TNC: variants seen among roughly 807,000 people sequenced by gnomAD.
The protein encoded by TNC is tenascin.
Under a neutral mutation model 202.4 loss-of-function variants are expected in TNC, and 109 were observed. The observed-to-expected ratio is 0.54, with a 90% confidence interval of 0.46 to 0.63. TNC has a LOEUF of 0.63. Among genes scored for constraint, TNC ranks in the 30% least tolerant of loss-of-function variants. TNC has a pLI of 0.00. For synonymous variants in TNC, 1,007 were observed against 1,089.7 expected (o/e 0.92, Z 1.50); for missense variants, 2,756 against 2,833.3 (o/e 0.97, Z 0.62).
intron 9 of TNC, among the ~76,000 whole-genome samples, chr9:115,075,012 TA>T (rs942551979): frequency 5.3e-5 from 8 of 151,186 alleles, no homozygotes; most frequent in South Asian, 2.1e-4. Context: ...ATCAAAAGAT[TA>T]AAAAAAAAGA....
At chr9:115,077,805 TAA>T in intron 7 of TNC, 136 bp downstream of exon 7, 2 of 905,448 alleles carry the variant, frequency 2.2e-6, no homozygotes, top group Middle Eastern at 3.4e-4. Flanking sequence ...TACAATATTT[TAA>T]AATTTACAGG....
intron 11 of TNC, among the ~76,000 whole-genome samples, chr9:115,064,306 T>A (rs566577557): frequency 6.6e-6 from 1 of 152,310 alleles, no homozygotes; most frequent in South Asian, 2.1e-4. Context: ...CCTCAGTAGA[T>A]GAGAGAATTT....
intron 19 of TNC, among the ~76,000 whole-genome samples, chr9:115,040,476 T>C (rs774209380): frequency 6.6e-6 from 1 of 152,214 alleles, no homozygotes; most frequent in African/African-American, 2.4e-5. Flanking sequence ...AAGGTGATGG[T>C]GGGCTAACAT....
intron 6 of TNC, among the ~76,000 whole-genome samples, chr9:115,079,227 CT>C (rs61492592): frequency 3.5e-3 from 503 of 142,656 alleles, no homozygotes; most frequent in Non-Finnish European, 3.4e-3. Context: ...TCTTCTTCTC[CT>C]TTTTTTTTTT....
chr9:115,078,338 T>C (rs901476684), intron 6 of TNC, 126 bp from the exon 7 acceptor site: 8 of 1,163,670 alleles, frequency 6.9e-6, no homozygotes, highest in East Asian at 2.5e-5. Flanking sequence ...TGACTTTACT[T>C]TGCCTTTCTG....
In TNC at chr9:115,091,145, G is replaced by T. The variant is rs1835200277; in HGVS notation, c.-127C>A. ...TCAGTTGTCCCTGATCTTCTTGAAA[G>T]AATTATTTTCTACAAGCAAAGATGA... On this transcript the variant is annotated 5_prime_UTR_variant, in exon 2 of 28. Coordinates refer to ENST00000350763, the MANE Select transcript of TNC (RefSeq NM_002160.4). 2.7e-6 allele frequency: 2 copies of T among 736,442 alleles called. No homozygotes were observed. The highest frequency in any genetic ancestry group is 1.9e-5 in the South Asian group (1 of 52,834). The allele number at this position is 736,442 out of a possible 1,614,324, so 45.6% of individuals were successfully genotyped here. A position where few individuals can be genotyped will look rare whatever the true frequency, so the allele number is the denominator to read the frequency against.
chr9:115,054,952 C>T (rs1564445938), intron 15 of TNC, among the ~76,000 whole-genome samples: 1 of 152,204 alleles, frequency 6.6e-6, no homozygotes, highest in Admixed American at 6.5e-5. Flanking sequence ...GATAAGACTA[C>T]TGGGTCCTCT....
chr9:115,054,195 GT>G (rs948472118), intron 15 of TNC, among the ~76,000 whole-genome samples: 12 of 152,284 alleles, frequency 7.9e-5, no homozygotes, highest in Non-Finnish European at 1.5e-4. Context: ...CAGCTCCAAA[GT>G]TTGGAGGAAA....
chr9:115,049,294 G>A (rs1831460565), intron 15 of TNC, among the ~76,000 whole-genome samples: 1 of 152,034 alleles, frequency 6.6e-6, no homozygotes, highest in Non-Finnish European at 1.5e-5. Context: ...TCACACATTG[G>A]GATATCCAAA....
rs1829293816 is a variant in TNC at position 115,024,113 on chromosome 9, C to T, written c.6355G>A (p.Gly2119Ser). Residue 2119 changes from glycine to serine, a missense_variant, in exon 27 of 28, where the codon GGC becomes AGC. Coordinates refer to ENST00000350763, the MANE Select transcript of TNC (RefSeq NM_002160.4). ...TTGTCAAAGGTGGAGAAGGATCTGC[C>T]ATTGTGGTAGGCCATGGAGTCACCT... ...TAGDSMAYHN[G>S]RSFSTFDKDT... is the part of the protein sequence containing the mutation. The T allele has an allele frequency of 6.2e-7, 1 of 1,614,012 alleles. No individual in the cohort carries two copies. Among genetic ancestry groups the T allele is most frequent in the Non-Finnish European group, 8.5e-7 (1 of 1,179,918 alleles).
intron 1 of TNC, among the ~76,000 whole-genome samples, chr9:115,105,089 T>C (rs1008211692): frequency 2.6e-5 from 4 of 152,202 alleles, no homozygotes; most frequent in Admixed American, 6.5e-5. Context: ...GATGGAGCCA[T>C]TGACAATTAC....
chr9:115,111,781 G>A (rs796587748), intron 1 of TNC, among the ~76,000 whole-genome samples: 33 of 152,190 alleles, frequency 2.2e-4, no homozygotes, highest in African/African-American at 7.5e-4. Context: ...AAGGAACTGA[G>A]GGTAGCCTTG....
intron 15 of TNC, among the ~76,000 whole-genome samples, chr9:115,051,862 C>T (rs775541184): frequency 1.1e-4 from 16 of 151,992 alleles, no homozygotes; most frequent in South Asian, 8.3e-4. Context: ...CTCTTGAGAA[C>T]GTTCTCTCCA....
intron 1 of TNC, among the ~76,000 whole-genome samples, chr9:115,108,008 G>A (rs562252995): frequency 6.6e-6 from 1 of 152,178 alleles, no homozygotes; most frequent in Non-Finnish European, 1.5e-5. Flanking sequence ...ATATTGGCGA[G>A]TTTCCGTTGG....
intron 1 of TNC, among the ~76,000 whole-genome samples, chr9:115,100,544 C>T (rs151279565): frequency 1.3e-3 from 191 of 152,254 alleles, no homozygotes; most frequent in Non-Finnish European, 2.0e-3. Flanking sequence ...TAATTAACTC[C>T]TAAAGCTGAT....
intron 20 of TNC, 142 bp downstream of exon 20, chr9:115,038,118 AC>A (rs1206534988): frequency 1.9e-6 from 2 of 1,079,422 alleles, no homozygotes; most frequent in Non-Finnish European, 2.6e-6. Flanking sequence ...GTTGGGAGCC[AC>A]ATGAACATTA....
chr9:115,090,693 C>T lies in TNC; in HGVS notation c.326G>A (p.Arg109Gln), dbSNP rs772948384. 1.5e-5 allele frequency: 25 copies of T among 1,614,018 alleles called. No individual in the cohort carries two copies. Among genetic ancestry groups the T allele is most frequent in the Middle Eastern group, 3.3e-4 (2 of 6,084 alleles). The change falls in exon 2 of 28, where the codon CGG becomes CAG. Residue 109 changes from arginine (R) to glutamine (Q), a missense_variant. Arg to Gln is a conservative substitution (Grantham distance 43). Transcript: ENST00000350763. Reference protein sequence around the residue: ...VFTHRINIPRRACGCAAAPDV... With the variant: ...VFTHRINIPRQACGCAAAPDV... ...AGGGGCTGCGGCACAGCCACAGGCC[C>T]GGCGGGGGATGTTGATGCGATGTGT... is the stretch of plus-strand genomic sequence containing the variant.
In TNC at chr9:115,062,916, C is replaced by G; in HGVS notation, c.4033+1G>C. On this transcript the variant is annotated splice_donor_variant, in intron 13 of 27. Transcript: ENST00000350763. LOFTEE classifies it high-confidence loss of function. ...TCCAGTCTGGGAGGAGGGTCATATACCTGTGACGACCTCTACAGCAAGGGG... is the reference window on the plus strand; with the variant it reads ...TCCAGTCTGGGAGGAGGGTCATATAGCTGTGACGACCTCTACAGCAAGGGG... 6.2e-7 allele frequency: 1 copy of G among 1,611,996 alleles called. No individual in the cohort carries two copies. Among genetic ancestry groups the G allele is most frequent in the Non-Finnish European group, 8.5e-7 (1 of 1,178,668 alleles).
chr9:115,063,763 G>C, intron 12 of TNC, 33 bp downstream of exon 12: 1 of 1,590,836 alleles, frequency 6.3e-7, no homozygotes, highest in Non-Finnish European at 8.6e-7. Context: ...AGACAAAGGG[G>C]AGGAAGTGAA....
Sources: gnomAD v4.1 joint callset for allele counts (sites outside exome capture counted in the v4.1 genomes callset) on GRCh38, gnomAD v4.1.1 for gene constraint, MANE v1.5 for transcripts, NCBI Gene and HGNC (gene_info 2026-07-23, HGNC 2026-07-21) for gene names.